Variants in CRTC3 observed in about 807,000 individuals in gnomAD.
CRTC3 encodes CREB-regulated transcription coactivator 3.
Under a neutral mutation model 74.5 loss-of-function variants are expected in CRTC3, and 26 were observed. That is an observed-to-expected ratio of 0.35 (90% CI 0.26 to 0.48). The LOEUF (loss-of-function observed/expected upper bound fraction) is 0.48, where lower values mean the gene tolerates loss of function less well. CRTC3 is among the 20% of genes least tolerant of loss of function. The pLI is 0.99. For missense variants in CRTC3, 760 were observed against 787.3 expected (o/e 0.97, Z 0.41); for synonymous variants, 377 against 325.8 (o/e 1.16, Z -1.69).
intron 6 of CRTC3, 183 bp from the exon 7 acceptor site, chr15:90,614,270 A>G: frequency 3.8e-6 from 2 of 523,112 alleles, no homozygotes; most frequent in Non-Finnish European, 6.7e-6. Flanking sequence ...TTAGTTTCAA[A>G]TTAGCTATAC....
chr15:90,629,170 AT>A (rs950746966), intron 10 of CRTC3, 63 bp from the exon 11 acceptor site: 2 of 1,500,454 alleles, frequency 1.3e-6, no homozygotes, highest in Non-Finnish European at 9.1e-7. Flanking sequence ...GTTTTCTTTC[AT>A]TTTTGGAATA....
chr15:90,634,566 T>G (rs928219690), intron 11 of CRTC3, among the ~76,000 whole-genome samples: 1 of 152,208 alleles, frequency 6.6e-6, no homozygotes, highest in African/African-American at 2.4e-5. Flanking sequence ...TTTCCAAGAT[T>G]GTGTGTGTCT....
At chr15:90,539,446 C>T (rs550463455) in intron 1 of CRTC3, among the ~76,000 whole-genome samples, 5 of 152,072 alleles carry the variant, frequency 3.3e-5, no homozygotes, top group Admixed American at 6.5e-5. Flanking sequence ...GAAAGCATTT[C>T]GGCAGTATAC....
At chr15:90,543,976 G>A (rs766180661) in intron 2 of CRTC3, among the ~76,000 whole-genome samples, 10 of 152,106 alleles carry the variant, frequency 6.6e-5, no homozygotes, top group Non-Finnish European at 1.5e-5. Flanking sequence ...CTCTCACTTA[G>A]CATTTGAGAT....
chr15:90,540,201 C>A, intron 2 of CRTC3, 64 bp downstream of exon 2: 1 of 1,130,412 alleles, frequency 8.8e-7, no homozygotes, highest in Non-Finnish European at 1.3e-6. Flanking sequence ...AAGATTATCA[C>A]TAAAAAGATG....
intron 1 of CRTC3, among the ~76,000 whole-genome samples, chr15:90,531,027 C>G (rs1410419285): frequency 2.7e-5 from 4 of 150,670 alleles, no homozygotes; most frequent in Non-Finnish European, 4.4e-5. Context: ...GAATGCTGAC[C>G]TTGGAGGACC....
chr15:90,544,923 C>G (rs1297156568), intron 2 of CRTC3, among the ~76,000 whole-genome samples: 1 of 152,204 alleles, frequency 6.6e-6, no homozygotes, highest in Admixed American at 6.5e-5. Context: ...GTATTACATA[C>G]ATTCATATTG....
chr15:90,639,918 A>G (rs1969379226), intron 13 of CRTC3, among the ~76,000 whole-genome samples: 1 of 151,970 alleles, frequency 6.6e-6, no homozygotes, highest in Admixed American at 6.5e-5. Flanking sequence ...GCGTGGTGGC[A>G]GGCACCTGTA....
intron 3 of CRTC3, 107 bp downstream of exon 3, chr15:90,593,862 T>C: frequency 8.3e-7 from 1 of 1,207,296 alleles, no homozygotes; most frequent in East Asian, 2.5e-5. Context: ...TCTTCATTTA[T>C]CTGATGAAAG....
At chr15:90,614,421 GTTTTC>G in intron 6 of CRTC3, 27 bp from the exon 7 acceptor site, 1 of 1,543,910 alleles carries the variant, frequency 6.5e-7, no homozygotes, top group Non-Finnish European at 8.9e-7. Flanking sequence ...ACATAAAAGT[GTTTTC>G]TTTTTTTCTT....
At chr15:90,579,412 G>A (rs145136336) in intron 2 of CRTC3, among the ~76,000 whole-genome samples, 4 of 152,222 alleles carry the variant, frequency 2.6e-5, no homozygotes, top group South Asian at 2.1e-4. Context: ...ACCATGGCCT[G>A]GAACATCCTG....
intron 3 of CRTC3, among the ~76,000 whole-genome samples, chr15:90,600,807 TA>T (rs1968049355): frequency 6.6e-6 from 1 of 152,246 alleles, no homozygotes; most frequent in Non-Finnish European, 1.5e-5. Context: ...TGAAAAGTAT[TA>T]TTGGTAACTG....
At chr15:90,535,026 T>G (rs1376068228) in intron 1 of CRTC3, among the ~76,000 whole-genome samples, 1 of 151,234 alleles carries the variant, frequency 6.6e-6, no homozygotes, top group Non-Finnish European at 1.5e-5. Flanking sequence ...CCAGGCATGG[T>G]GGCGAGTGCC....
intron 2 of CRTC3, among the ~76,000 whole-genome samples, chr15:90,567,356 A>G (rs1386459385): frequency 1.3e-5 from 2 of 152,140 alleles, no homozygotes; most frequent in African/African-American, 4.8e-5. Context: ...TGCTCAATTC[A>G]GTGCTTTTTC....
intron 2 of CRTC3, among the ~76,000 whole-genome samples, chr15:90,581,187 C>G (rs1387337275): frequency 6.6e-6 from 1 of 152,146 alleles, no homozygotes; most frequent in Non-Finnish European, 1.5e-5. Flanking sequence ...AAGATCATTC[C>G]AAACTCTGTG....
chr15:90,560,930 G>C (rs1368283041), intron 2 of CRTC3, among the ~76,000 whole-genome samples: 2 of 152,154 alleles, frequency 1.3e-5, no homozygotes, highest in Non-Finnish European at 2.9e-5. Flanking sequence ...AATTTAGTAA[G>C]TCTCTGTCAT....
intron 2 of CRTC3, among the ~76,000 whole-genome samples, chr15:90,591,476 G>A (rs973245149): frequency 1.3e-5 from 2 of 152,088 alleles, no homozygotes; most frequent in Non-Finnish European, 1.5e-5. Flanking sequence ...TTTTGGGAAC[G>A]CCTTCTAAAG....
rs186948324 is a variant in CRTC3, at chr15:90,615,891, G to A, written c.613+1403G>A. Among the ~76,000 whole-genome samples the A allele has an allele frequency of 2.8e-3, 420 of 150,204 alleles. 2 individuals are homozygous for A. The highest frequency in any genetic ancestry group is 8.7e-3 in the African/African-American group (355 of 40,796). ...ATTTTTTTTTTGGAGACGGAGTCTC[G>A]CTCTGTCGCCAGGCTGGAGTGCAGT... On this transcript the variant is annotated intron_variant, in intron 7 of 14. Coordinates refer to ENST00000268184, the MANE Select transcript of CRTC3 (RefSeq NM_022769.5).
chr15:90,575,415 A>G (rs1449592755), intron 2 of CRTC3, among the ~76,000 whole-genome samples: 2 of 152,158 alleles, frequency 1.3e-5, no homozygotes, highest in East Asian at 1.9e-4. Context: ...TTAGAAAGTT[A>G]TCTTCTTTTG....
Sources: allele counts gnomAD v4.1 joint callset (sites outside exome capture counted in the v4.1 genomes callset), GRCh38; gene constraint gnomAD v4.1.1; transcripts MANE v1.5; gene names NCBI Gene and HGNC (gene_info 2026-07-23, HGNC 2026-07-21).